The following RRN3 variants were observed in gnomAD, a reference collection of about 807,000 sequenced individuals.
RRN3 encodes the protein RNA polymerase I-specific transcription initiation factor RRN3.
Under a neutral mutation model 82.3 loss-of-function variants are expected in RRN3, and 38 were observed. That is an observed-to-expected ratio of 0.46 (90% CI 0.36 to 0.61). The LOEUF (loss-of-function observed/expected upper bound fraction) is 0.61. Ranked by LOEUF, RRN3 falls within the 20% of genes least tolerant of loss-of-function variation. RRN3 has a pLI of 0.00. For synonymous variants in RRN3, 284 were observed against 284.3 expected (o/e 1.00, Z 0.01); for missense variants, 726 against 793.1 (o/e 0.92, Z 1.02).
At chr16:15,085,371 G>C (rs1417998992) in intron 6 of RRN3, among the ~76,000 whole-genome samples, 1 of 151,854 alleles carries the variant, frequency 6.6e-6, no homozygotes, top group East Asian at 1.9e-4. Flanking sequence ...AGCAGGGCTT[G>C]AACTCCTGGG....
chr16:15,084,559 A>G, intron 7 of RRN3, 83 bp downstream of exon 7: 1 of 968,686 alleles, frequency 1.0e-6, no homozygotes, highest in Non-Finnish European at 1.6e-6. Flanking sequence ...AAGCTTTAAT[A>G]CTATTAACAT....
At chr16:15,068,096 C>A (rs967121960) in intron 15 of RRN3, 73 bp downstream of exon 15, 4 of 1,501,828 alleles carry the variant, frequency 2.7e-6, no homozygotes, top group Non-Finnish European at 3.6e-6. Context: ...AAATTTAACA[C>A]TCTTACAATA....
chr16:15,085,607 T>G, intron 6 of RRN3, 32 bp downstream of exon 6: 1 of 1,604,664 alleles, frequency 6.2e-7, no homozygotes, highest in Admixed American at 1.7e-5. Context: ...TGAAAGCTAC[T>G]GTGCCCAGGC....
chr16:15,084,627 G>A lies in RRN3; in HGVS notation c.596+15C>T, dbSNP rs199766272. ...TTGAGAATTAAACATTCAAAATAAGGAAAAGTATACTCACGATGGTACATA... is the reference window on the plus strand; with the variant it reads ...TTGAGAATTAAACATTCAAAATAAGAAAAAGTATACTCACGATGGTACATA... On this transcript the variant is annotated intron_variant, in intron 7 of 17. Transcript: ENST00000198767. 1 of 1,557,028 alleles carries A rather than the reference G, an allele frequency of 6.4e-7. No individual in the cohort carries two copies.
chr16:15,071,271 C>T lies in RRN3; in HGVS notation c.1129-20G>A, dbSNP rs748889674. On this transcript the variant is annotated intron_variant, in intron 12 of 17. Transcript: ENST00000198767. Reference sequence around the variant, plus strand: ...GAATCCCTATAAAAAGAGAGGGCGTCGGTGTGATCTTTTTTAATGCCTAAG... The same window carrying T: ...GAATCCCTATAAAAAGAGAGGGCGTTGGTGTGATCTTTTTTAATGCCTAAG... 12 of 1,583,252 alleles carry T rather than the reference C, an allele frequency of 7.6e-6. No individual in the cohort carries two copies. The highest frequency in any genetic ancestry group is 2.3e-5 in the South Asian group (2 of 86,210).
chr16:15,075,545 C>T (rs2151788425), intron 10 of RRN3, among the ~76,000 whole-genome samples: 1 of 152,044 alleles, frequency 6.6e-6, no homozygotes, highest in South Asian at 2.1e-4. Flanking sequence ...CACACTCCAG[C>T]CTGGGCAACA....
Position 15,065,340 on chromosome 16 carries a change from T to C in RRN3, c.1585A>G (p.Ile529Val). 1 of 1,613,520 alleles carries C rather than the reference T, an allele frequency of 6.2e-7. No individual in the cohort carries two copies. Among genetic ancestry groups the C allele is most frequent in the Non-Finnish European group, 8.5e-7 (1 of 1,179,668 alleles). The change falls in exon 16 of 18, where the codon ATT becomes GTT. Residue 529 changes from isoleucine to valine, a missense_variant. Ile to Val is a conservative substitution (Grantham distance 29). This residue lies in a region of RRN3 where 166 missense variants were observed against 154.8 expected (regional missense o/e 1.07). Coordinates refer to ENST00000198767, the MANE Select transcript of RRN3 (RefSeq NM_018427.5). ...KYQLVFCYTI[I>V]ERNNRQMLPV... is the part of the protein sequence containing the mutation. ...AGCATCTGGCGATTGTTCCTCTCAA[T>C]GATGGTGTAGCAGAAGACGAGCTGG... is the stretch of plus-strand genomic sequence containing the variant.
At chr16:15,085,493 T>G in intron 6 of RRN3, 146 bp downstream of exon 6, 10 of 959,944 alleles carry the variant, frequency 1.0e-5, no homozygotes, top group African/African-American at 1.7e-5. Context: ...AAAAAAATGT[T>G]TTTTTGCAGA....
intron 16 of RRN3, among the ~76,000 whole-genome samples, 165 bp from the exon 17 acceptor site, chr16:15,063,448 C>T (rs58854280): frequency 0.056 from 8,502 of 152,132 alleles, 391 homozygotes; most frequent in African/African-American, 0.12. Context: ...GTGGCTCACG[C>T]CTGTAATCCC....
At chr16:15,090,287 G>C (rs1015220815) in intron 3 of RRN3, among the ~76,000 whole-genome samples, 5 of 152,074 alleles carry the variant, frequency 3.3e-5, no homozygotes, top group African/African-American at 1.2e-4. Flanking sequence ...ACAGTGATAA[G>C]AACAGTGGAC....
rs764541722 is a variant in RRN3, at chr16:15,076,597, A to T, written c.819T>A (p.Thr273=). 4 of 1,613,570 alleles carry T rather than the reference A, an allele frequency of 2.5e-6. No individual in the cohort carries two copies. In the South Asian group the frequency reaches 4.4e-5, roughly 18 times the overall value. ...CTTCCGTGGAATCTGTCCCACCACA[A>T]GTTTGAGTTGCTGTTTCTTCAGCAT... ...IEDAEETATQ[T]CGGTDSTEGL... The change falls in exon 10 of 18, where the codon ACT becomes ACA. Residue 273 remains threonine, a synonymous_variant. Transcript: ENST00000198767.
chr16:15,078,705 C>G (rs1481787083), intron 9 of RRN3, among the ~76,000 whole-genome samples: 1 of 152,034 alleles, frequency 6.6e-6, no homozygotes, highest in African/African-American at 2.4e-5. Flanking sequence ...AGGTCCCCAT[C>G]TGCAGCCACG....
Position 15,065,383 on chromosome 16 carries a change from A to G in RRN3, c.1554-12T>C, listed in dbSNP as rs530423884. 1 of 1,611,726 alleles carries G rather than the reference A, an allele frequency of 6.2e-7. No homozygotes were observed. Among genetic ancestry groups the G allele is most frequent in the South Asian group, 1.1e-5 (1 of 90,974 alleles). On this transcript the variant is annotated splice_polypyrimidine_tract_variant and intron_variant, in intron 15 of 17. Coordinates refer to ENST00000198767, the MANE Select transcript of RRN3 (RefSeq NM_018427.5). ...CGAGCTGGTACTTACTGTGGAACAA[A>G]AAAACAACACAGACAGAGGCATTAA...
rs999939180 is a variant in RRN3, at chr16:15,063,364, A to T, written c.1707-81T>A. ...ATTGGTTTGGATCTTTTCTCACAAGATCTATTACCCAAAACCAAGAAGTGA... is the reference window on the plus strand; with the variant it reads ...ATTGGTTTGGATCTTTTCTCACAAGTTCTATTACCCAAAACCAAGAAGTGA... On this transcript the variant is annotated intron_variant, in intron 16 of 17. Transcript: ENST00000198767. 3.9e-6 allele frequency: 4 copies of T among 1,029,682 alleles called. No homozygotes were observed. The African/African-American group carries it at 6.3e-5, about 16-fold the overall frequency. 63.8% of individuals were successfully genotyped at this position (1,029,682 alleles called of 1,614,324 possible). A position where few individuals can be genotyped will look rare whatever the true frequency, so the allele number is the denominator to read the frequency against.
At position 15,092,496 on chromosome 16, in the gene RRN3, T is replaced by C; in HGVS notation, c.195+13A>G. On this transcript the variant is annotated intron_variant, in intron 2 of 17. Transcript: ENST00000198767. ...CTAACCAAAAGCAAACCTCACACAT[T>C]ATCTCCCCTTACCTTTTTGTACTTC... 1 of 1,577,458 alleles carries C rather than the reference T, an allele frequency of 6.3e-7. No individual in the cohort carries two copies. Among genetic ancestry groups the C allele is most frequent in the South Asian group, 1.1e-5 (1 of 90,208 alleles).
intron 1 of RRN3, chr16:15,093,841 A>G (rs1350998568): frequency 2.3e-6 from 1 of 434,668 alleles, no homozygotes; most frequent in African/African-American, 2.1e-5. Flanking sequence ...AATTTGGACG[A>G]AGAAGAGGGA....
At chr16:15,091,102 AC>A (rs1272790246) in intron 3 of RRN3, among the ~76,000 whole-genome samples, 1 of 151,914 alleles carries the variant, frequency 6.6e-6, no homozygotes, top group Non-Finnish European at 1.5e-5. Flanking sequence ...TGCCAGTAGC[AC>A]CCTTTCCTCC....
At position 15,060,047 on chromosome 16, in the gene RRN3, T is replaced by C. The variant is rs1036287607; in HGVS notation, c.*1697A>G. On this transcript the variant is annotated 3_prime_UTR_variant, in exon 18 of 18. Coordinates refer to ENST00000198767, the MANE Select transcript of RRN3 (RefSeq NM_018427.5). The stretch of plus-strand genomic sequence containing the variant: ...TTGAAAGAACATGTATTGAGGTACC[T>C]TTTATTGGTATAAGAACGTAAGTTC... The C allele has an allele frequency of 2.4e-5, 5 of 209,616 alleles. No individual in the cohort carries two copies. Among genetic ancestry groups the C allele is most frequent in the Non-Finnish European group, 5.0e-5 (5 of 100,972 alleles). 13.0% of individuals were successfully genotyped at this position (209,616 alleles called of 1,614,324 possible). A position where few individuals can be genotyped will look rare whatever the true frequency, so the allele number is the denominator to read the frequency against.
chr16:15,080,254 T>G (rs1450916437), intron 8 of RRN3, among the ~76,000 whole-genome samples, 158 bp from the exon 9 acceptor site: 1 of 152,244 alleles, frequency 6.6e-6, no homozygotes, highest in African/African-American at 2.4e-5. Flanking sequence ...TCTACATGTA[T>G]TATGTTCGGT....
Sources: allele counts gnomAD v4.1 joint callset (sites outside exome capture counted in the v4.1 genomes callset), GRCh38; gene constraint gnomAD v4.1.1; regional missense constraint gnomAD v4.1.1; transcripts MANE v1.5; gene names NCBI Gene and HGNC (gene_info 2026-07-23, HGNC 2026-07-21).